Variants in KIAA0232 observed in about 807,000 individuals in gnomAD.
The protein encoded by KIAA0232 is uncharacterized protein KIAA0232.
Under a neutral mutation model 122.0 loss-of-function variants are expected in KIAA0232, and 27 were observed. That is an observed-to-expected ratio of 0.22 (90% CI 0.16 to 0.31). KIAA0232 has a LOEUF of 0.31. Among genes scored for constraint, KIAA0232 ranks in the 10% least tolerant of loss-of-function variants. The probability of loss-of-function intolerance (pLI) is 1.00; values close to 1 mark genes in which losing one functional copy is unlikely to be tolerated. For missense variants in KIAA0232, 1,551 were observed against 1,634.2 expected, an observed-to-expected ratio of 0.95 and a Z score of 0.88; for synonymous variants, 613 against 587.6, an observed-to-expected ratio of 1.04 and a Z score of -0.63.
At position 6,868,359 on chromosome 4, in the gene KIAA0232, T is replaced by G. The variant is rs547423564; in HGVS notation, c.3802-3215T>G. ...TAAGTAACAAAGCTCTTGGTGCTGG[T>G]GGAGTCACATCCCACCTTGGGGAGC... On this transcript the variant is annotated intron_variant, in intron 7 of 9. Coordinates refer to ENST00000307659, the MANE Select transcript of KIAA0232 (RefSeq NM_014743.3). 6.6e-5 allele frequency among the ~76,000 whole-genome samples: 10 copies of G among 152,332 alleles called. No individual in the cohort carries two copies. In the East Asian group the frequency reaches 1.9e-3, roughly 29 times the overall value.
At chr4:6,836,277 G>T (rs147030293) in intron 3 of KIAA0232, among the ~76,000 whole-genome samples, 44 of 149,554 alleles carry the variant, frequency 2.9e-4, no homozygotes, top group African/African-American at 1.0e-3. Context: ...CTTTTGAGAA[G>T]TGTCTATGCA....
chr4:6,803,391 C>A (rs1413280764), intron 1 of KIAA0232, among the ~76,000 whole-genome samples: 1 of 151,960 alleles, frequency 6.6e-6, no homozygotes, highest in African/African-American at 2.4e-5. Context: ...ACATGAATGC[C>A]AAACATTGAA....
At chr4:6,822,824 G>T (rs1360200690) in intron 2 of KIAA0232, among the ~76,000 whole-genome samples, 1 of 149,714 alleles carries the variant, frequency 6.7e-6, no homozygotes, top group Non-Finnish European at 1.5e-5. Context: ...CATGTGCACA[G>T]TGTGCAGGTT....
chr4:6,876,806 C>A, intron 9 of KIAA0232, 49 bp downstream of exon 9: 1 of 1,299,462 alleles, frequency 7.7e-7, no homozygotes, highest in Non-Finnish European at 1.1e-6. Flanking sequence ...ACAGCCACCA[C>A]CTCCAGTTGT....
chr4:6,853,180 ATT>A (rs1720386145), intron 4 of KIAA0232, among the ~76,000 whole-genome samples: 1 of 152,344 alleles, frequency 6.6e-6, no homozygotes, highest in South Asian at 2.1e-4. Flanking sequence ...AGTGTGGAAG[ATT>A]TCTTAACGAG....
chr4:6,797,999 A>G (rs1717210284), intron 1 of KIAA0232, among the ~76,000 whole-genome samples: 1 of 151,556 alleles, frequency 6.6e-6, no homozygotes, highest in African/African-American at 2.4e-5. Context: ...TGGAGCTTGC[A>G]GTGAGCTGAG....
intron 3 of KIAA0232, among the ~76,000 whole-genome samples, chr4:6,825,095 A>G (rs1383876062): frequency 2.0e-5 from 3 of 152,184 alleles, no homozygotes; most frequent in African/African-American, 4.8e-5. Flanking sequence ...TTAATATTGT[A>G]TTTTATCTGC....
rs757974831 is a variant in KIAA0232, at chr4:6,860,999, C to G, written c.617C>G (p.Ser206Cys). The G allele has an allele frequency of 1.1e-5, 18 of 1,614,058 alleles. No homozygotes were observed. The African/African-American group carries it at 2.4e-4, about 22-fold the overall frequency. Residue 206 changes from serine (S) to cysteine (C), a missense_variant, in exon 7 of 10, where the codon TCT (serine) becomes TGT (cysteine). Ser to Cys is a moderately radical substitution (Grantham distance 112). This residue lies in a region of KIAA0232 where 377 missense variants were observed against 381.7 expected (regional missense o/e 0.99). Transcript: ENST00000307659. ...TCTAAAGTCTGTTCTTACTCTAGCT[C>G]TTCTTCATCATCCACAGCCCCACCA... ...NKSKVCSYSS[S>C]SSSSTAPPAS...
In KIAA0232 at chr4:6,785,128, G is replaced by A. The variant is rs528303802; in HGVS notation, c.-354+2287G>A. Among the ~76,000 whole-genome samples the A allele has an allele frequency of 3.1e-3, 470 of 152,094 alleles. 2 individuals are homozygous for A. The highest frequency in any genetic ancestry group is 0.011 in the African/African-American group (466 of 41,500). The stretch of plus-strand genomic sequence containing the variant: ...AATTTTTTGCATTTTTAGTAGAGAT[G>A]GGGCTTCACCGTGTTAGCCAGGATG... On this transcript the variant is annotated intron_variant, in intron 1 of 9. Coordinates refer to ENST00000307659, the MANE Select transcript of KIAA0232 (RefSeq NM_014743.3).
At chr4:6,789,438 T>C (rs1220886307) in intron 1 of KIAA0232, among the ~76,000 whole-genome samples, 1 of 151,910 alleles carries the variant, frequency 6.6e-6, no homozygotes, top group East Asian at 1.9e-4. Flanking sequence ...CATGCCCGGC[T>C]AATTTTTTAT....
chr4:6,817,416 C>T (rs992461648), intron 2 of KIAA0232, among the ~76,000 whole-genome samples: 2 of 152,042 alleles, frequency 1.3e-5, no homozygotes, highest in African/African-American at 2.4e-5. Context: ...GGGGTTTCAC[C>T]GTGTTAGCCA....
At chr4:6,835,678 C>A (rs893728490) in intron 3 of KIAA0232, among the ~76,000 whole-genome samples, 1 of 152,092 alleles carries the variant, frequency 6.6e-6, no homozygotes, top group African/African-American at 2.4e-5. Context: ...TCCATGTGTT[C>A]TCATTGTTCA....
At chr4:6,820,287 T>G (rs1272849148) in intron 2 of KIAA0232, among the ~76,000 whole-genome samples, 1 of 152,184 alleles carries the variant, frequency 6.6e-6, no homozygotes, top group Non-Finnish European at 1.5e-5. Context: ...CGCCACATCT[T>G]ACTTGGGTAG....
intron 6 of KIAA0232, 66 bp from the exon 7 acceptor site, chr4:6,860,835 A>AT: frequency 7.5e-7 from 1 of 1,327,528 alleles, no homozygotes; most frequent in Middle Eastern, 1.9e-4. Context: ...CTGGTTGGTA[A>AT]TGTTGTTTTA....
intron 1 of KIAA0232, among the ~76,000 whole-genome samples, chr4:6,790,585 A>T (rs1453289962): frequency 6.6e-6 from 1 of 151,656 alleles, no homozygotes; most frequent in Non-Finnish European, 1.5e-5. Context: ...GGGTTTTGCC[A>T]TGTTGCCCAG....
Position 6,855,837 on chromosome 4 carries a change from G to C in KIAA0232, c.370-1327G>C. The C allele has an allele frequency of 1.0e-6, 1 of 985,298 alleles. No homozygotes were observed. The highest frequency in any genetic ancestry group is 1.2e-6 in the Non-Finnish European group (1 of 829,838). The allele number at this position is 985,298 out of a possible 1,614,324, so 61.0% of individuals were successfully genotyped here. A position where few individuals can be genotyped will look rare whatever the true frequency, so the allele number is the denominator to read the frequency against. The stretch of plus-strand genomic sequence containing the variant: ...CAGTGTGTCAGCTGACACTGGTGTT[G>C]GTTTCACGATCCGAAGGAAATGGAA... On this transcript the variant is annotated intron_variant, in intron 4 of 9. Coordinates refer to ENST00000307659, the MANE Select transcript of KIAA0232 (RefSeq NM_014743.3). The surrounding 1 kb of genome is among the most constrained non-coding windows in gnomAD (Gnocchi z 4.3).
At chr4:6,816,711 A>G (rs969015607) in intron 2 of KIAA0232, among the ~76,000 whole-genome samples, 1 of 152,194 alleles carries the variant, frequency 6.6e-6, no homozygotes, top group African/African-American at 2.4e-5. Context: ...GGTAGAATTC[A>G]CCTTTGAAAC....
At chr4:6,800,417 C>T (rs982771525) in intron 1 of KIAA0232, among the ~76,000 whole-genome samples, 1 of 151,170 alleles carries the variant, frequency 6.6e-6, no homozygotes, top group Non-Finnish European at 1.5e-5. Flanking sequence ...TGTGGTGGTT[C>T]ATGCCTGTAA....
At position 6,844,840 on chromosome 4, in the gene KIAA0232, A is replaced by G. The variant is rs79377911; in HGVS notation, c.369+2636A>G. Among the ~76,000 whole-genome samples the G allele has an allele frequency of 3.9e-3, 587 of 152,354 alleles. 1 individual carries two copies. Among genetic ancestry groups the G allele is most frequent in the African/African-American group, 0.013 (545 of 41,580 alleles). ...TCTTAGGCACCATTTCATTACAACAATTAGGAACATAATTAACCTGGTTTA... is the reference window on the plus strand; with the variant it reads ...TCTTAGGCACCATTTCATTACAACAGTTAGGAACATAATTAACCTGGTTTA... On this transcript the variant is annotated intron_variant, in intron 4 of 9. Transcript: ENST00000307659.
Sources: gnomAD v4.1 joint callset for allele counts (sites outside exome capture counted in the v4.1 genomes callset) on GRCh38, gnomAD v4.1.1 for gene constraint, gnomAD v4.1.1 regional missense constraint, Gnocchi (gnomAD v3.1) non-coding constraint, MANE v1.5 for transcripts, NCBI Gene and HGNC (gene_info 2026-07-23, HGNC 2026-07-21) for gene names.